PTPRT: variants seen among roughly 807,000 people sequenced by gnomAD.
The protein encoded by PTPRT is receptor-type tyrosine-protein phosphatase T.
A neutral mutation model predicts 176.8 loss-of-function variants in PTPRT; 56 were observed. The ratio of observed to expected loss-of-function variants is 0.32; its 90% confidence interval spans 0.26 to 0.40. PTPRT has a LOEUF of 0.40. Among genes scored for constraint, PTPRT ranks in the 10% least tolerant of loss-of-function variants. The pLI is 1.00. For synonymous variants in PTPRT, 783 were observed against 739.0 expected (o/e 1.06, Z -0.96); for missense variants, 1,540 against 1,908.2 (o/e 0.81, Z 3.60).
At chr20:42,069,770 G>A (rs1162627059), downstream of PTPRT, among the ~76,000 whole-genome samples, 1 of 152,088 alleles carries the variant, frequency 6.6e-6, no homozygotes, top group Non-Finnish European at 1.5e-5. Flanking sequence ...TATTCCAAAT[G>A]TCCTTGAATA....
chr20:42,581,631 A>G (rs6016834), intron 7 of PTPRT, among the ~76,000 whole-genome samples: 56,966 of 152,068 alleles, frequency 0.37, 11,025 homozygotes, highest in East Asian at 0.47. Context: ...CTTCCACAGA[A>G]GGAGCTGAAT....
chr20:42,393,097 T>C (rs2058816495), intron 9 of PTPRT, among the ~76,000 whole-genome samples: 1 of 152,168 alleles, frequency 6.6e-6, no homozygotes, highest in Non-Finnish European at 1.5e-5. Flanking sequence ...CATCCCCCTG[T>C]GTCTTCAGAG....
intron 6 of PTPRT, among the ~76,000 whole-genome samples, chr20:42,695,845 C>T (rs2146137588): frequency 6.6e-6 from 1 of 152,316 alleles, no homozygotes; most frequent in East Asian, 1.9e-4. Context: ...GCAAGAAAAT[C>T]TGGCAACATC....
At chr20:42,116,217 A>G (rs542652783) in intron 21 of PTPRT, 4 of 637,312 alleles carry the variant, frequency 6.3e-6, no homozygotes, top group African/African-American at 5.5e-5. Flanking sequence ...CTACAGGACT[A>G]TTCAGCTTCT....
At chr20:42,744,313 T>G (rs757678067) in intron 6 of PTPRT, among the ~76,000 whole-genome samples, 1 of 152,234 alleles carries the variant, frequency 6.6e-6, no homozygotes, top group Non-Finnish European at 1.5e-5. Flanking sequence ...TTTGCCCTCA[T>G]GTATTCTGGA....
In PTPRT at chr20:42,217,610, C is replaced by T. The variant is rs80222711; in HGVS notation, c.2343-18222G>A. On this transcript the variant is annotated intron_variant, in intron 15 of 30. Coordinates refer to ENST00000373187, the MANE Select transcript of PTPRT (RefSeq NM_007050.6). Reference sequence around the variant, plus strand: ...TTCCTCTATGCCAGGATTTCTCAACCTCAGCACTGTTGGTATTTTGGGCCA... The same window carrying T: ...TTCCTCTATGCCAGGATTTCTCAACTTCAGCACTGTTGGTATTTTGGGCCA... Among the ~76,000 whole-genome samples the T allele has an allele frequency of 2.0e-5, 3 of 152,222 alleles. No individual in the cohort carries two copies. The East Asian group carries it at 5.8e-4, about 29-fold the overall frequency.
rs142242268 is a variant in PTPRT at position 43,093,911 on chromosome 20, C to A, written c.88+95735G>T. ...TGCTGTTCTCTGGGGTTCCCACAAG[C>A]CTTCTTCCTTCTCAACCTTCAAGAT... On this transcript the variant is annotated intron_variant, in intron 1 of 30. Coordinates refer to ENST00000373187, the MANE Select transcript of PTPRT (RefSeq NM_007050.6). 3.5e-3 allele frequency among the ~76,000 whole-genome samples: 536 copies of A among 152,152 alleles called. 5 individuals carry two copies. Among genetic ancestry groups the A allele is most frequent in the African/African-American group, 0.012 (515 of 41,496 alleles).
chr20:43,160,166 G>C (rs1352171728), intron 1 of PTPRT, among the ~76,000 whole-genome samples: 2 of 152,114 alleles, frequency 1.3e-5, no homozygotes, highest in African/African-American at 4.8e-5. Flanking sequence ...CCAACGAGCA[G>C]GGAGGTCTCC....
intron 1 of PTPRT, among the ~76,000 whole-genome samples, chr20:42,905,795 T>C (rs2145924241): frequency 6.6e-6 from 1 of 152,180 alleles, no homozygotes; most frequent in Admixed American, 6.5e-5. Context: ...GAAACCATCA[T>C]TCTCAGCAAA....
intron 6 of PTPRT, among the ~76,000 whole-genome samples, chr20:42,701,350 C>T (rs1393529604): frequency 6.6e-6 from 1 of 152,138 alleles, no homozygotes; most frequent in Admixed American, 6.5e-5. Context: ...GTAACCCACA[C>T]AACAGTAGAT....
At chr20:42,172,867 G>A (rs148222408) in intron 16 of PTPRT, among the ~76,000 whole-genome samples, 88 of 152,190 alleles carry the variant, frequency 5.8e-4, no homozygotes, top group African/African-American at 2.0e-3. Flanking sequence ...TCTACACTAA[G>A]ACCTGGTTAC....
chr20:42,192,431 C>T (rs775130405), intron 16 of PTPRT, among the ~76,000 whole-genome samples: 1 of 152,198 alleles, frequency 6.6e-6, no homozygotes, highest in South Asian at 2.1e-4. Context: ...CTGCCTGCCT[C>T]ATCTCTACTG....
At chr20:42,965,021 A>C (rs1982212869) in intron 1 of PTPRT, among the ~76,000 whole-genome samples, 1 of 152,224 alleles carries the variant, frequency 6.6e-6, no homozygotes, top group African/African-American at 2.4e-5. Flanking sequence ...ATCAACAGAA[A>C]AATTATTGTA....
chr20:43,187,143 G>A (rs2015413960), intron 1 of PTPRT, among the ~76,000 whole-genome samples: 1 of 152,064 alleles, frequency 6.6e-6, no homozygotes, highest in Admixed American at 6.5e-5. Context: ...CCCGACTTTT[G>A]GACACTGAGA....
At chr20:42,295,458 G>C (rs2057373741) in intron 12 of PTPRT, among the ~76,000 whole-genome samples, 1 of 152,156 alleles carries the variant, frequency 6.6e-6, no homozygotes, top group Admixed American at 6.5e-5. Flanking sequence ...AGGATCTACA[G>C]AAGATAAGTT....
At chr20:42,607,734 G>A (rs2073903433) in intron 7 of PTPRT, among the ~76,000 whole-genome samples, 1 of 152,188 alleles carries the variant, frequency 6.6e-6, no homozygotes, top group African/African-American at 2.4e-5. Flanking sequence ...GTGGGCATGG[G>A]CGGATTGCAT....
chr20:42,632,277 C>T (rs1225071545), intron 7 of PTPRT, among the ~76,000 whole-genome samples: 5 of 152,262 alleles, frequency 3.3e-5, no homozygotes, highest in South Asian at 2.1e-4. Flanking sequence ...CTCACTCTGT[C>T]GCCCAGGCTG....
intron 13 of PTPRT, among the ~76,000 whole-genome samples, chr20:42,255,302 G>T (rs1306339760): frequency 1.3e-5 from 2 of 152,186 alleles, no homozygotes; most frequent in East Asian, 3.8e-4. Context: ...ATTAGAAAAT[G>T]CCAAGTTCAC....
At chr20:42,154,251 C>G (rs760259193) in intron 17 of PTPRT, among the ~76,000 whole-genome samples, 44 of 152,138 alleles carry the variant, frequency 2.9e-4, no homozygotes, top group Admixed American at 1.9e-3. Flanking sequence ...ACTCTGTTAC[C>G]AACTGAGGAG....
Sources: gnomAD v4.1 joint callset for allele counts (sites outside exome capture counted in the v4.1 genomes callset) on GRCh38, gnomAD v4.1.1 for gene constraint, MANE v1.5 for transcripts, NCBI Gene and HGNC (gene_info 2026-07-23, HGNC 2026-07-21) for gene names.